Variants in GRID1 observed in about 807,000 individuals in gnomAD.
GRID1 encodes glutamate receptor ionotropic, delta-1.
Under a neutral mutation model 98.0 loss-of-function variants are expected in GRID1, and 28 were observed. The ratio of observed to expected loss-of-function variants is 0.29; its 90% confidence interval spans 0.21 to 0.39. The LOEUF (loss-of-function observed/expected upper bound fraction) is 0.39. GRID1 is among the 10% of genes least tolerant of loss of function. The pLI, the probability that GRID1 is intolerant of heterozygous loss-of-function variation, is 1.00. For synonymous variants in GRID1, 553 were observed against 538.5 expected (o/e 1.03, Z -0.37); for missense variants, 1,111 against 1,340.5 (o/e 0.83, Z 2.67).
chr10:86,181,955 G>A (rs568137005), intron 3 of GRID1, among the ~76,000 whole-genome samples: 7 of 152,300 alleles, frequency 4.6e-5, no homozygotes, highest in South Asian at 4.1e-4. Context: ...CTCATTGGAC[G>A]AATACATGAA....
chr10:85,599,707 C>A lies in GRID1; in HGVS notation c.*2566G>T, dbSNP rs1299347995. On this transcript the variant is annotated 3_prime_UTR_variant, in exon 16 of 16. Transcript: ENST00000327946. ...ATACATTCTGAGCTGACACAGAAAT[C>A]TGAGTTGGGAAGTTTTTTTTTTTCC... 1 of 144,870 alleles carries A rather than the reference C, an allele frequency of 6.9e-6. No homozygotes were observed. Among genetic ancestry groups the A allele is most frequent in the Non-Finnish European group, 1.5e-5 (1 of 66,980 alleles). 9.0% of individuals were successfully genotyped at this position (144,870 alleles called of 1,614,324 possible).
chr10:85,769,172 C>T (rs1842228540), intron 8 of GRID1, among the ~76,000 whole-genome samples: 1 of 152,192 alleles, frequency 6.6e-6, no homozygotes, highest in South Asian at 2.1e-4. Context: ...GAATATTATG[C>T]AGCCATAAAA....
chr10:85,989,780 T>C (rs1342622605), intron 4 of GRID1, among the ~76,000 whole-genome samples: 1 of 152,218 alleles, frequency 6.6e-6, no homozygotes, highest in Non-Finnish European at 1.5e-5. Context: ...AGCATGATTT[T>C]CATCTAACTG....
intron 12 of GRID1, among the ~76,000 whole-genome samples, chr10:85,712,572 A>T (rs1590200818): frequency 6.6e-6 from 1 of 151,910 alleles, no homozygotes; most frequent in Non-Finnish European, 1.5e-5. Context: ...GACCAGATGG[A>T]CCTAACAAAC....
intron 4 of GRID1, among the ~76,000 whole-genome samples, chr10:86,087,765 T>C (rs1170673824): frequency 2.0e-5 from 3 of 152,190 alleles, no homozygotes; most frequent in Non-Finnish European, 4.4e-5. Context: ...TCCCATTCTC[T>C]ACCACATGGC....
chr10:85,923,205 C>A (rs1320116748), intron 4 of GRID1, among the ~76,000 whole-genome samples: 2 of 152,096 alleles, frequency 1.3e-5, no homozygotes, highest in South Asian at 2.1e-4. Context: ...AAGGCCCCCA[C>A]CCTTGGCAGG....
rs115731328 is a variant in GRID1 at position 85,996,071 on chromosome 10, G to A, written c.727-79832C>T. Among the ~76,000 whole-genome samples the A allele has an allele frequency of 4.2e-3, 640 of 152,326 alleles. 5 individuals carry two copies. The highest frequency in any genetic ancestry group is 0.015 in the African/African-American group (624 of 41,574). ...ATTGGTAACAGCCCACAGGCAACAT[G>A]CTGGAGCTTGTGGCCTGAACTTAAC... On this transcript the variant is annotated intron_variant, in intron 4 of 15. Transcript: ENST00000327946.
intron 8 of GRID1, among the ~76,000 whole-genome samples, chr10:85,792,903 T>C (rs1842494076): frequency 6.6e-6 from 1 of 152,158 alleles, no homozygotes; most frequent in Admixed American, 6.5e-5. Flanking sequence ...CACTTGCCTG[T>C]CACAATGATG....
In GRID1 at chr10:85,831,352, G is replaced by A. The variant is rs140264465; in HGVS notation, c.1233+23144C>T. 1.4e-4 allele frequency among the ~76,000 whole-genome samples: 21 copies of A among 152,158 alleles called. 1 individual carries two copies. The highest frequency in any genetic ancestry group is 5.9e-4 in the Admixed American group (9 of 15,280). On this transcript the variant is annotated intron_variant, in intron 8 of 15. Coordinates refer to ENST00000327946, the MANE Select transcript of GRID1 (RefSeq NM_017551.3). ...CAGGTACTATGCTAATTACCTGGGT[G>A]ATGAAATAATCTGTACACCAAACCC... is the stretch of plus-strand genomic sequence containing the variant.
chr10:86,081,288 G>C (rs959902960), intron 4 of GRID1, among the ~76,000 whole-genome samples: 1 of 152,172 alleles, frequency 6.6e-6, no homozygotes, highest in African/African-American at 2.4e-5. Context: ...GTGCAGAGAT[G>C]GTGGGTATTA....
In GRID1 at chr10:85,613,466, C is replaced by T; in HGVS notation, c.2542G>A (p.Val848Met). Residue 848 changes from valine to methionine, a missense_variant, in exon 15 of 16, where the codon GTG becomes ATG. By Grantham distance (21) the Val-to-Met change is conservative (BLOSUM62 1). Transcript: ENST00000327946. ...LAIGLLLACL[V>M]AALELWWNSN... ...TTCCACCACAACTCCAGGGCAGCCACCAGGCAGGCCAGGAGCAGGCCAATG... is the reference window on the plus strand; with the variant it reads ...TTCCACCACAACTCCAGGGCAGCCATCAGGCAGGCCAGGAGCAGGCCAATG... 1 of 1,614,000 alleles carries T rather than the reference C, an allele frequency of 6.2e-7. No homozygotes were observed. The highest frequency in any genetic ancestry group is 1.1e-5 in the South Asian group (1 of 91,080).
chr10:85,764,015 A>G (rs1355004092), intron 8 of GRID1, among the ~76,000 whole-genome samples: 1 of 152,160 alleles, frequency 6.6e-6, no homozygotes, highest in Non-Finnish European at 1.5e-5. Context: ...CCCTCTGGAG[A>G]CTGCTGGATT....
Position 85,786,579 on chromosome 10 carries a change from C to T in GRID1, c.1234-56965G>A, listed in dbSNP as rs73330515. Among the ~76,000 whole-genome samples, 807 of 152,332 alleles carry T rather than the reference C, an allele frequency of 5.3e-3. 6 individuals carry two copies. The highest frequency in any genetic ancestry group is 0.018 in the African/African-American group (756 of 41,572). On this transcript the variant is annotated intron_variant, in intron 8 of 15. Coordinates refer to ENST00000327946, the MANE Select transcript of GRID1 (RefSeq NM_017551.3). ...GGCCCGCAAGGCATAGCTTTCTCCC[C>T]GACATCCCTCCCACCCTGCTGCCTC...
chr10:85,953,051 T>C (rs1019932200), intron 4 of GRID1, among the ~76,000 whole-genome samples: 2 of 152,190 alleles, frequency 1.3e-5, no homozygotes, highest in African/African-American at 4.8e-5. Context: ...ACAAACACAG[T>C]ATGTGTTAAT....
chr10:85,877,381 G>C (rs1023488565), intron 5 of GRID1, among the ~76,000 whole-genome samples: 2 of 152,210 alleles, frequency 1.3e-5, no homozygotes, highest in Non-Finnish European at 2.9e-5. Context: ...ACCTCACAGG[G>C]CTGGGTACTC....
chr10:86,203,376 G>A (rs1444296135), intron 3 of GRID1, among the ~76,000 whole-genome samples: 3 of 151,898 alleles, frequency 2.0e-5, no homozygotes, highest in South Asian at 2.1e-4. Context: ...CAGCCATGCC[G>A]AGGGAGCAGC....
At chr10:85,852,544 C>T (rs116974316) in intron 8 of GRID1, among the ~76,000 whole-genome samples, 1,659 of 152,272 alleles carry the variant, frequency 0.011, 35 homozygotes, top group African/African-American at 0.036. Flanking sequence ...AGGTGGGAGA[C>T]GGAAGGAGCT....
chr10:85,627,395 A>G (rs1432773966), intron 13 of GRID1, among the ~76,000 whole-genome samples: 1 of 152,228 alleles, frequency 6.6e-6, no homozygotes, highest in African/African-American at 2.4e-5. Flanking sequence ...TAAATAAATA[A>G]TAATCTATCT....
rs76552098 is a variant in GRID1 at position 85,765,237 on chromosome 10, A to G, written c.1234-35623T>C. 3.5e-3 allele frequency among the ~76,000 whole-genome samples: 526 copies of G among 152,282 alleles called. 5 individuals are homozygous for G. Among genetic ancestry groups the G allele is most frequent in the African/African-American group, 0.012 (506 of 41,562 alleles). On this transcript the variant is annotated intron_variant, in intron 8 of 15. Coordinates refer to ENST00000327946, the MANE Select transcript of GRID1 (RefSeq NM_017551.3). Reference sequence around the variant, plus strand: ...GACATGGTATTTGCTTCTGAATTCCATGTGTAAGTGATCATGATTACCCTT... The same window carrying G: ...GACATGGTATTTGCTTCTGAATTCCGTGTGTAAGTGATCATGATTACCCTT...
Sources: gnomAD v4.1 joint callset for allele counts (sites outside exome capture counted in the v4.1 genomes callset) on GRCh38, gnomAD v4.1.1 for gene constraint, MANE v1.5 for transcripts, NCBI Gene and HGNC (gene_info 2026-07-23, HGNC 2026-07-21) for gene names.